The following SPAG1 variants were observed in gnomAD, a reference collection of about 807,000 sequenced individuals.
SPAG1 encodes sperm-associated antigen 1.
In SPAG1, 69 loss-of-function variants were observed where a neutral mutation model predicts 100.5. That is an observed-to-expected ratio of 0.69 (90% CI 0.57 to 0.84). The LOEUF (loss-of-function observed/expected upper bound fraction) is 0.84. Ranked by LOEUF, SPAG1 falls within the 40% of genes least tolerant of loss-of-function variation. The pLI is 0.00. For missense variants in SPAG1, 955 were observed against 1,133.1 expected (o/e 0.84, Z 2.26); for synonymous variants, 336 against 411.6 (o/e 0.82, Z 2.22).
Position 100,162,533 on chromosome 8 carries a change from A to G in SPAG1, c.140+113A>G, listed in dbSNP as rs1815358107. On this transcript the variant is annotated intron_variant, in intron 2 of 18. Transcript: ENST00000388798. ...ATATCTGTTTTTGCCCATGCATGGT[A>G]GGTCCCAAAATAGTGGTTTTGATCC... The G allele has an allele frequency of 3.1e-5, 26 of 843,116 alleles. 1 individual carries two copies. The South Asian group carries it at 4.9e-4, about 16-fold the overall frequency. The allele number at this position is 843,116 out of a possible 1,614,324, so 52.2% of individuals were successfully genotyped here. A position where few individuals can be genotyped will look rare whatever the true frequency, so the allele number is the denominator to read the frequency against.
intron 8 of SPAG1, among the ~76,000 whole-genome samples, chr8:100,189,757 A>G (rs904577403): frequency 1.1e-4 from 16 of 152,230 alleles, no homozygotes; most frequent in African/African-American, 3.9e-4. Context: ...GTAAATCTCC[A>G]ATGATTCCAA....
At chr8:100,226,202 G>A (rs1818506178) in intron 14 of SPAG1, among the ~76,000 whole-genome samples, 1 of 151,948 alleles carries the variant, frequency 6.6e-6, no homozygotes, top group African/African-American at 2.4e-5. Context: ...TCCCTATGTT[G>A]CCCATGCTGG....
chr8:100,230,340 C>A (rs550734311), intron 14 of SPAG1, among the ~76,000 whole-genome samples: 1 of 152,294 alleles, frequency 6.6e-6, no homozygotes, highest in Admixed American at 6.5e-5. Flanking sequence ...CTGTCGTATC[C>A]AAGCTTAACC....
rs758483366 is a variant in SPAG1, at chr8:100,165,967, T to C, written c.294T>C (p.Asp98=). The C allele has an allele frequency of 5.6e-6, 9 of 1,612,126 alleles. No individual in the cohort carries two copies. The highest frequency in any genetic ancestry group is 1.1e-5 in the South Asian group (1 of 90,920). Residue 98 remains aspartate (D), a synonymous_variant, in exon 3 of 19, where the codon GAT becomes GAC. Transcript: ENST00000388798. ...AAGAATGGGAAAAAATTGATGGTGA[T>C]ATAAAGGTATATAGTAATACCAATT... The part of the protein sequence containing the change: ...TAEEWEKIDG[D]IKSWVSEIKK...
chr8:100,229,837 C>G (rs535762929), intron 14 of SPAG1, among the ~76,000 whole-genome samples: 2 of 152,208 alleles, frequency 1.3e-5, no homozygotes, highest in African/African-American at 4.8e-5. Context: ...TGGGCACTTA[C>G]TATAGACATA....
chr8:100,160,349 C>T (rs1382170972), intron 1 of SPAG1, among the ~76,000 whole-genome samples: 1 of 152,082 alleles, frequency 6.6e-6, no homozygotes, highest in African/African-American at 2.4e-5. Context: ...GTACAGGGCA[C>T]GGCACGGTGG....
At chr8:100,201,878 G>T (rs1160606670) in intron 10 of SPAG1, among the ~76,000 whole-genome samples, 1 of 152,168 alleles carries the variant, frequency 6.6e-6, no homozygotes, top group Non-Finnish European at 1.5e-5. Context: ...TGTAACCCTT[G>T]CAGTATCCTT....
chr8:100,169,502 G>T (rs977809635), intron 3 of SPAG1, among the ~76,000 whole-genome samples: 3 of 152,250 alleles, frequency 2.0e-5, no homozygotes, highest in African/African-American at 7.2e-5. Flanking sequence ...ACTTTGGGAG[G>T]CTGAGGCGGG....
intron 16 of SPAG1, among the ~76,000 whole-genome samples, chr8:100,236,922 A>G (rs1586561621): frequency 1.3e-5 from 2 of 152,330 alleles, no homozygotes; most frequent in Middle Eastern, 3.4e-3. Flanking sequence ...ATATCATAAA[A>G]TAACTATTGC....
intron 4 of SPAG1, among the ~76,000 whole-genome samples, chr8:100,181,398 A>G (rs535254128): frequency 6.6e-6 from 1 of 152,384 alleles, no homozygotes; most frequent in East Asian, 1.9e-4. Flanking sequence ...TGAGAGCCAC[A>G]TATGAATATT....
chr8:100,176,807 C>CCCTCTCTCCTCT (rs1554650405), intron 3 of SPAG1, among the ~76,000 whole-genome samples: 2 of 116,296 alleles, frequency 1.7e-5, no homozygotes, highest in Non-Finnish European at 3.4e-5. Flanking sequence ...TCATAAATTT[C>CCCTCTCTCCTCT]CCTCTCCTCT....
Position 100,183,971 on chromosome 8 carries a change from G to C in SPAG1, c.504G>C (p.Lys168Asn). ...YAEWDKFDVE[K>N]ECLKIDEDYK... ...TTCATTTAAGATTTGACGTGGAGAA[G>C]GAATGTTTAAAAATTGATGAAGATT... is the stretch of plus-strand genomic sequence containing the variant. Residue 168 changes from lysine (K) to asparagine (N), a missense_variant, in exon 6 of 19, where the codon AAG becomes AAC. By Grantham distance (94) the Lys-to-Asn change is moderately conservative. Transcript: ENST00000388798. The C allele has an allele frequency of 6.6e-7, 1 of 1,524,678 alleles. No homozygotes were observed. The highest frequency in any genetic ancestry group is 8.8e-7 in the Non-Finnish European group (1 of 1,133,998). 94.4% of individuals were successfully genotyped at this position (1,524,678 alleles called of 1,614,324 possible).
At chr8:100,200,368 C>T (rs1214185848) in intron 10 of SPAG1, among the ~76,000 whole-genome samples, 1 of 152,298 alleles carries the variant, frequency 6.6e-6, no homozygotes, top group East Asian at 1.9e-4. Flanking sequence ...TGGGTTGGTT[C>T]CAAGTCTTTG....
At chr8:100,166,323 A>AT (rs1815554202) in intron 3 of SPAG1, among the ~76,000 whole-genome samples, 1 of 151,704 alleles carries the variant, frequency 6.6e-6, no homozygotes, top group South Asian at 2.1e-4. Flanking sequence ...CAGTGGCACG[A>AT]TCTTGGCTCA....
intron 17 of SPAG1, among the ~76,000 whole-genome samples, chr8:100,240,002 A>G (rs1819183450): frequency 6.6e-6 from 1 of 152,224 alleles, no homozygotes; most frequent in Non-Finnish European, 1.5e-5. Context: ...GTAAGAGGCT[A>G]ATATGTAAGA....
At chr8:100,178,824 C>T (rs1326809292) in intron 4 of SPAG1, among the ~76,000 whole-genome samples, 2 of 151,946 alleles carry the variant, frequency 1.3e-5, no homozygotes, top group East Asian at 1.9e-4. Flanking sequence ...TGGCCAGGCA[C>T]GGTGGCTCAC....
rs76150517 is a variant in SPAG1, at chr8:100,178,669, G to A, written c.426+728G>A. Among the ~76,000 whole-genome samples the A allele has an allele frequency of 5.2e-3, 788 of 152,106 alleles. 10 individuals are homozygous for A. Among genetic ancestry groups the A allele is most frequent in the African/African-American group, 0.018 (738 of 41,482 alleles). On this transcript the variant is annotated intron_variant, in intron 4 of 18. Transcript: ENST00000388798. Reference sequence around the variant, plus strand: ...TCAATTTTATTTTAAAAACATCCATGGCTCTTCATCACTCTGCTCTCTGAT... The same window carrying A: ...TCAATTTTATTTTAAAAACATCCATAGCTCTTCATCACTCTGCTCTCTGAT...
chr8:100,165,568 C>G lies in SPAG1; in HGVS notation c.141-246C>G, dbSNP rs774211620. The G allele has an allele frequency of 5.0e-4, 213 of 423,444 alleles. 1 individual carries two copies. The highest frequency in any genetic ancestry group is 9.8e-5 in the Non-Finnish European group (23 of 235,226). The allele number at this position is 423,444 out of a possible 1,614,324, so 26.2% of individuals were successfully genotyped here. A position where few individuals can be genotyped will look rare whatever the true frequency, so the allele number is the denominator to read the frequency against. ...CCGGGGACCACACCGCCCCACTCACCCTTATCCAGTTTTTAAAGTGTGTGA... is the reference window on the plus strand; with the variant it reads ...CCGGGGACCACACCGCCCCACTCACGCTTATCCAGTTTTTAAAGTGTGTGA... On this transcript the variant is annotated intron_variant, in intron 2 of 18. Coordinates refer to ENST00000388798, the MANE Select transcript of SPAG1 (RefSeq NM_003114.5).
Position 100,240,889 on chromosome 8 carries a change from AGAT to A in SPAG1, c.2653_2655del (p.Met885del), listed in dbSNP as rs753231894. 2.0e-6 allele frequency: 3 copies of A among 1,482,590 alleles called. 1 individual carries two copies. Among genetic ancestry groups the A allele is most frequent in the South Asian group, 2.6e-5 (2 of 75,946 alleles). 91.8% of individuals were successfully genotyped at this position (1,482,590 alleles called of 1,614,324 possible). A position where few individuals can be genotyped will look rare whatever the true frequency, so the allele number is the denominator to read the frequency against. Reference sequence around the variant, plus strand: ...GTTTTTTTTTTTTTTTGCTTCTTTTAGATGATGTTGACACTAATTAGCAAGGGC... The same window carrying A: ...GTTTTTTTTTTTTTTTGCTTCTTTTAGATGTTGACACTAATTAGCAAGGGC... On this transcript the variant is annotated splice_acceptor_variant and coding_sequence_variant, in exon 19 of 19. Transcript: ENST00000388798. LOFTEE classifies it high-confidence loss of function.
Sources: gnomAD v4.1 joint callset for allele counts (sites outside exome capture counted in the v4.1 genomes callset) on GRCh38, gnomAD v4.1.1 for gene constraint, MANE v1.5 for transcripts, NCBI Gene and HGNC (gene_info 2026-07-23, HGNC 2026-07-21) for gene names.